Variants in MYLK observed in about 807,000 individuals in gnomAD.
MYLK encodes the protein myosin light chain kinase.
In MYLK, 106 loss-of-function variants were observed where a neutral mutation model predicts 203.4. The ratio of observed to expected loss-of-function variants is 0.52; its 90% CI spans 0.45 to 0.61. MYLK has a LOEUF of 0.61. MYLK is among the 20% of genes least tolerant of loss of function. The probability of loss-of-function intolerance (pLI) is 0.00; values close to 1 mark genes in which losing one functional copy is unlikely to be tolerated. For missense variants in MYLK, 2,072 were observed against 2,442.3 expected (o/e 0.85, Z 3.20); for synonymous variants, 867 against 959.5 (o/e 0.90, Z 1.78).
chr3:123,808,530 A>G (rs959179082), intron 3 of MYLK, among the ~76,000 whole-genome samples: 2 of 152,214 alleles, frequency 1.3e-5, no homozygotes, highest in Non-Finnish European at 2.9e-5. Flanking sequence ...AATAAATAGG[A>G]GTTCAAAGAA....
At chr3:123,772,580 C>T (rs894655017) in intron 4 of MYLK, among the ~76,000 whole-genome samples, 2 of 151,450 alleles carry the variant, frequency 1.3e-5, no homozygotes, top group African/African-American at 4.8e-5. Flanking sequence ...AATTTCTGTA[C>T]AAAAGTAAAC....
At chr3:123,654,000 G>GTGTA (rs1240684331) in intron 24 of MYLK, among the ~76,000 whole-genome samples, 1 of 149,666 alleles carries the variant, frequency 6.7e-6, no homozygotes, top group African/African-American at 2.5e-5. Flanking sequence ...GTGTGTGTGT[G>GTGTA]TGTGTGTGTG....
rs2059420445 is a variant in MYLK at position 123,657,352 on chromosome 3, G to A, written c.4062C>T (p.Gly1354=). The change falls in exon 24 of 34, where the codon GGC becomes GGT. Residue 1354 remains glycine (G), a synonymous_variant. Coordinates refer to ENST00000360304, the MANE Select transcript of MYLK (RefSeq NM_053025.4). The part of the protein sequence containing the change: ...RSSSLTLSWY[G]SSYDGGSAVQ... ...CAGCACTGCCCCCATCATATGAGGA[G>A]CCATACCAGGACAGGGTCAGTGAGG... 2 of 1,614,200 alleles carry A rather than the reference G, an allele frequency of 1.2e-6. No individual in the cohort carries two copies. Among genetic ancestry groups the A allele is most frequent in the African/African-American group, 2.7e-5 (2 of 75,054 alleles).
chr3:123,794,536 C>A (rs1016034493), intron 3 of MYLK, among the ~76,000 whole-genome samples: 3 of 152,064 alleles, frequency 2.0e-5, no homozygotes, highest in African/African-American at 7.3e-5. Flanking sequence ...ATAACTGAAG[C>A]CCAGAGAGGG....
intron 2 of MYLK, 74 bp from the exon 3 acceptor site, chr3:123,831,744 G>A (rs1159207718): frequency 4.2e-6 from 1 of 238,606 alleles, no homozygotes; most frequent in Non-Finnish European, 8.6e-6. Context: ...GAGCGGCTGG[G>A]AGGAGTACAT....
chr3:123,615,522 C>T (rs1559960708), intron 33 of MYLK, among the ~76,000 whole-genome samples: 1 of 151,856 alleles, frequency 6.6e-6, no homozygotes, highest in Non-Finnish European at 1.5e-5. Flanking sequence ...TTAGTAGAGA[C>T]AGGGTTTCAG....
intron 1 of MYLK, among the ~76,000 whole-genome samples, chr3:123,877,182 T>A (rs2148721805): frequency 6.6e-6 from 1 of 152,280 alleles, no homozygotes; most frequent in East Asian, 1.9e-4. Context: ...TCAATTGGGC[T>A]GAGACAAGAA....
At chr3:123,862,700 G>C (rs1193613530) in intron 2 of MYLK, among the ~76,000 whole-genome samples, 1 of 152,162 alleles carries the variant, frequency 6.6e-6, no homozygotes, top group Non-Finnish European at 1.5e-5. Context: ...TCTAGACCAG[G>C]ATTGATATGA....
At chr3:123,618,369 T>A in intron 33 of MYLK, 1 of 456,484 alleles carries the variant, frequency 2.2e-6, no homozygotes, top group South Asian at 2.1e-5. Context: ...CAAGGCCATT[T>A]CTAAACTTAG....
chr3:123,808,369 A>G (rs2065441792), intron 3 of MYLK, among the ~76,000 whole-genome samples: 1 of 152,214 alleles, frequency 6.6e-6, no homozygotes, highest in East Asian at 1.9e-4. Context: ...CCTCCAGCCC[A>G]GAGGGGTGTG....
At chr3:123,703,308 CCTCCTCCCGCCTGCTGGG>C (rs1350468003) in intron 16 of MYLK, among the ~76,000 whole-genome samples, 1 of 152,196 alleles carries the variant, frequency 6.6e-6, no homozygotes, top group African/African-American at 2.4e-5. Context: ...GTCCTCCAGC[CCTCCTCCCGCCTGCTGGG>C]CTCCTCTCCT....
At chr3:123,720,500 G>C (rs188163168) in intron 13 of MYLK, among the ~76,000 whole-genome samples, 8 of 152,188 alleles carry the variant, frequency 5.3e-5, no homozygotes, top group Non-Finnish European at 8.8e-5. Flanking sequence ...GGTTGGCCAC[G>C]CTGGCCTCCA....
intron 3 of MYLK, among the ~76,000 whole-genome samples, chr3:123,795,502 T>C (rs1377695939): frequency 6.6e-6 from 1 of 152,200 alleles, no homozygotes; most frequent in African/African-American, 2.4e-5. Flanking sequence ...GAGAAAGGAT[T>C]TGTTGGAAAG....
rs773082759 is a variant in MYLK at position 123,737,531 on chromosome 3, G to A, written c.601C>T (p.Leu201=). 4.8e-5 allele frequency: 78 copies of A among 1,614,066 alleles called. No homozygotes were observed. In the East Asian group the frequency reaches 1.6e-3, roughly 34 times the overall value. ...ACAGACACACGGGCACTCGGCTGCA[G>A]TGGAACATTTCCCTGTGGATGGCAA... ...QVTWLKGNVP[L]QPSARVSVSE... is the part of the protein sequence containing the mutation. The change falls in exon 8 of 34, where the codon CTG becomes TTG. Residue 201 remains leucine, a synonymous_variant. Coordinates refer to ENST00000360304, the MANE Select transcript of MYLK (RefSeq NM_053025.4).
intron 3 of MYLK, among the ~76,000 whole-genome samples, chr3:123,804,278 C>T (rs1380060635): frequency 6.6e-6 from 1 of 152,064 alleles, no homozygotes. Flanking sequence ...AGAGGGCTAG[C>T]AAGTGGGTTT....
chr3:123,836,084 C>T (rs1311204000), intron 2 of MYLK: 1 of 152,174 alleles, frequency 6.6e-6, no homozygotes, highest in Non-Finnish European at 1.5e-5. Context: ...TGAACGTTTC[C>T]TTTGTATCTT....
chr3:123,860,395 A>C (rs2031788779), intron 2 of MYLK, among the ~76,000 whole-genome samples: 1 of 152,210 alleles, frequency 6.6e-6, no homozygotes, highest in African/African-American at 2.4e-5. Flanking sequence ...TCTCATGCTG[A>C]AAGAGACTTT....
At chr3:123,851,553 A>T (rs1314529341) in intron 2 of MYLK, among the ~76,000 whole-genome samples, 1 of 151,886 alleles carries the variant, frequency 6.6e-6, no homozygotes, top group African/African-American at 2.4e-5. Context: ...TTTGTCTGTT[A>T]TTGCTGTATA....
At chr3:123,855,173 T>G (rs541509253) in intron 2 of MYLK, among the ~76,000 whole-genome samples, 2 of 152,320 alleles carry the variant, frequency 1.3e-5, no homozygotes, top group Non-Finnish European at 2.9e-5. Flanking sequence ...TTTATTTAAA[T>G]ATTGCTTCAC....
Sources: gnomAD v4.1 joint callset for allele counts (sites outside exome capture counted in the v4.1 genomes callset) on GRCh38, gnomAD v4.1.1 for gene constraint, MANE v1.5 for transcripts, NCBI Gene and HGNC (gene_info 2026-07-23, HGNC 2026-07-21) for gene names.